CHIC2: variants seen among roughly 807,000 people sequenced by gnomAD.
CHIC2 encodes the protein cysteine rich hydrophobic domain 2, also known as cysteine-rich hydrophobic domain-containing protein 2.
CHIC2 carries 14 observed loss-of-function variants against 25.9 expected under a neutral mutation model. The observed-to-expected ratio is 0.54, with a 90% CI of 0.36 to 0.85. The LOEUF is 0.85. Ranked by LOEUF, CHIC2 falls within the 40% of genes least tolerant of loss-of-function variation. The pLI, the probability that CHIC2 is intolerant of heterozygous loss-of-function variation, is 0.01. For missense variants in CHIC2, 146 were observed against 202.0 expected (o/e 0.72, Z 1.68); for synonymous variants, 70 against 72.0 (o/e 0.97, Z 0.14).
Position 54,064,191 on chromosome 4 carries a change from T to C in CHIC2, c.110A>G (p.His37Arg). The C allele has an allele frequency of 6.2e-7, 1 of 1,604,102 alleles. No individual in the cohort carries two copies. Among genetic ancestry groups the C allele is most frequent in the East Asian group, 2.3e-5 (1 of 44,352 alleles). The change falls in exon 1 of 6, where the codon CAC becomes CGC. Residue 37 changes from histidine to arginine, a missense_variant. By Grantham distance (29) the His-to-Arg change is conservative. Coordinates refer to ENST00000263921, the MANE Select transcript of CHIC2 (RefSeq NM_012110.4). This position sits in a 1 kb window ranked among gnomAD's most constrained non-coding sequence, Gnocchi z 4.2. ...PDPVVVRGSG[H>R]VTVFGLSNKF... ...CTCCTCCGGGCCTTACACGGTGACGTGACCGGAGCCGCGGACGACCACCGG... is the reference window on the plus strand; with the variant it reads ...CTCCTCCGGGCCTTACACGGTGACGCGACCGGAGCCGCGGACGACCACCGG...
chr4:54,091,307 C>G, the CHIC2 span, among the ~76,000 whole-genome samples: 2 of 152,168 alleles, frequency 1.3e-5, no homozygotes, highest in Admixed American at 1.3e-4. Context: ...CGGACAGAGG[C>G]ACTGGGCTGC....
chr4:54,030,633 C>T (rs1560386634), intron 3 of CHIC2, among the ~76,000 whole-genome samples: 1 of 145,366 alleles, frequency 6.9e-6, no homozygotes, highest in African/African-American at 2.5e-5. Context: ...TATATACACA[C>T]ATATATATAT....
chr4:54,052,350 A>G (rs1717028218), intron 1 of CHIC2, among the ~76,000 whole-genome samples: 2 of 152,206 alleles, frequency 1.3e-5, no homozygotes, highest in African/African-American at 2.4e-5. Flanking sequence ...AGAGACTGTT[A>G]GAATGAAAAT....
At chr4:54,045,480 C>A (rs1716753823) in intron 3 of CHIC2, among the ~76,000 whole-genome samples, 1 of 152,180 alleles carries the variant, frequency 6.6e-6, no homozygotes, top group African/African-American at 2.4e-5. Context: ...CCCTGGGATG[C>A]AAGGCTGGTT....
the CHIC2 span, among the ~76,000 whole-genome samples, chr4:54,069,791 A>C: frequency 6.6e-6 from 1 of 152,226 alleles, no homozygotes; most frequent in Non-Finnish European, 1.5e-5. Flanking sequence ...TTGAGAAAGC[A>C]TATAAACCCT....
At chr4:54,028,843 G>A (rs575690754) in intron 3 of CHIC2, among the ~76,000 whole-genome samples, 4 of 152,252 alleles carry the variant, frequency 2.6e-5, no homozygotes, top group South Asian at 2.1e-4. Context: ...GTCAAACATC[G>A]ACTGGGCGCA....
intron 3 of CHIC2, among the ~76,000 whole-genome samples, chr4:54,038,814 G>A (rs1378724929): frequency 6.6e-6 from 1 of 151,900 alleles, no homozygotes; most frequent in African/African-American, 2.4e-5. Flanking sequence ...TTGAGCCCAG[G>A]AGTTCGAGAC....
intron 3 of CHIC2, among the ~76,000 whole-genome samples, chr4:54,028,222 A>ATT (rs1440132684): frequency 1.3e-5 from 2 of 152,226 alleles, no homozygotes; most frequent in African/African-American, 2.4e-5. Context: ...ATAGGCCTGA[A>ATT]TTTCCTAACT....
chr4:54,071,494 T>G, the CHIC2 span, among the ~76,000 whole-genome samples: 1 of 152,244 alleles, frequency 6.6e-6, no homozygotes, highest in Non-Finnish European at 1.5e-5. Context: ...GTTAGGTAAC[T>G]TGGCCAAGGC....
chr4:54,057,107 T>C (rs1379629135), intron 1 of CHIC2, among the ~76,000 whole-genome samples: 1 of 152,092 alleles, frequency 6.6e-6, no homozygotes, highest in Non-Finnish European at 1.5e-5. Flanking sequence ...AAAACAAACA[T>C]AAGAACTGAG....
the CHIC2 span, among the ~76,000 whole-genome samples, chr4:54,086,103 T>C: frequency 1.3e-5 from 2 of 152,036 alleles, no homozygotes; most frequent in Non-Finnish European, 2.9e-5. Flanking sequence ...TTTCAATCCT[T>C]CATAAATTAT....
chr4:54,056,661 T>C (rs1717186148), intron 1 of CHIC2, among the ~76,000 whole-genome samples: 1 of 152,118 alleles, frequency 6.6e-6, no homozygotes, highest in Admixed American at 6.6e-5. Context: ...CAAAGTTAGG[T>C]TACCTTCAAG....
At chr4:54,023,963 C>T (rs1715982200) in intron 3 of CHIC2, among the ~76,000 whole-genome samples, 1 of 152,198 alleles carries the variant, frequency 6.6e-6, no homozygotes, top group African/African-American at 2.4e-5. Context: ...GAGTCATTCA[C>T]TGCAAGCAAG....
chr4:54,054,339 C>G (rs961512355), intron 1 of CHIC2, among the ~76,000 whole-genome samples: 1 of 152,206 alleles, frequency 6.6e-6, no homozygotes, highest in African/African-American at 2.4e-5. Context: ...TTGGCATTCA[C>G]TACTGAGCTA....
At chr4:54,037,030 T>C (rs1217099920) in intron 3 of CHIC2, among the ~76,000 whole-genome samples, 1 of 152,156 alleles carries the variant, frequency 6.6e-6, no homozygotes, top group Admixed American at 6.5e-5. Context: ...GAACTACTGA[T>C]GCAACAACAT....
At chr4:54,056,987 C>A (rs771604330) in intron 1 of CHIC2, among the ~76,000 whole-genome samples, 22 of 152,158 alleles carry the variant, frequency 1.4e-4, no homozygotes, top group Non-Finnish European at 2.9e-4. Flanking sequence ...GCCCCAGCAG[C>A]AGAACAGAAA....
intron 3 of CHIC2, among the ~76,000 whole-genome samples, chr4:54,021,840 A>C (rs1268631835): frequency 6.6e-6 from 1 of 152,132 alleles, no homozygotes; most frequent in African/African-American, 2.4e-5. Context: ...AACATTAAAA[A>C]AAGCTCCAGA....
chr4:54,024,605 C>G (rs898082459), intron 3 of CHIC2, among the ~76,000 whole-genome samples: 1 of 152,096 alleles, frequency 6.6e-6, no homozygotes, highest in African/African-American at 2.4e-5. Flanking sequence ...AAAGGGGACT[C>G]CGTATATTTT....
rs1015444442 is a variant in CHIC2, at chr4:54,053,279, G to A, written c.120-3974C>T. On this transcript the variant is annotated intron_variant, in intron 1 of 5. Transcript: ENST00000263921. The stretch of plus-strand genomic sequence containing the variant: ...CTTAAAAAATATTCCTACCCTGGCT[G>A]GGTGTGGTGGCTCACACCTGTGATC... Among the ~76,000 whole-genome samples, 72 of 152,148 alleles carry A rather than the reference G, an allele frequency of 4.7e-4. 3 individuals carry two copies.
Sources: allele counts gnomAD v4.1 joint callset (sites outside exome capture counted in the v4.1 genomes callset), GRCh38; gene constraint gnomAD v4.1.1; non-coding constraint Gnocchi (gnomAD v3.1); transcripts MANE v1.5; gene names NCBI Gene and HGNC (gene_info 2026-07-23, HGNC 2026-07-21).